The following ZNF680 variants were observed in gnomAD, a reference collection of about 807,000 sequenced individuals.
ZNF680 encodes hypothetical protein FLJ90430.
In ZNF680, 6 loss-of-function variants were observed where a neutral mutation model predicts 12.1. The observed-to-expected ratio is 0.49, with a 90% CI of 0.27 to 0.98. ZNF680 has a LOEUF of 0.98. Among genes scored for constraint, ZNF680 ranks in the 50% least tolerant of loss-of-function variants. The probability of loss-of-function intolerance (pLI) is 0.12; values close to 1 mark genes in which losing one functional copy is unlikely to be tolerated. For missense variants in ZNF680, 561 were observed against 616.3 expected, an observed-to-expected ratio of 0.91 and a Z score of 0.95; for synonymous variants, 170 against 199.3, an observed-to-expected ratio of 0.85 and a Z score of 1.24.
chr7:64,540,704 G>A (rs905486675), intron 3 of ZNF680, among the ~76,000 whole-genome samples: 4 of 152,068 alleles, frequency 2.6e-5, no homozygotes, highest in Non-Finnish European at 5.9e-5. Flanking sequence ...ATAAACTGAT[G>A]TTTAAAAAGT....
At chr7:64,552,857 G>A (rs1055914930) in intron 1 of ZNF680, among the ~76,000 whole-genome samples, 2 of 152,194 alleles carry the variant, frequency 1.3e-5, no homozygotes, top group African/African-American at 4.8e-5. Context: ...CAGGCACGGT[G>A]GCTCACGCCA....
the ZNF680 span, among the ~76,000 whole-genome samples, chr7:64,507,822 GAAACACACACACACACACACAC>G: frequency 3.8e-5 from 4 of 105,062 alleles, no homozygotes; most frequent in Admixed American, 1.2e-4. Flanking sequence ...AAAATTCCAG[GAAACACACACACACACACACAC>G]ACACACACAC....
At chr7:64,557,888 G>GA (rs1787510947) in intron 1 of ZNF680, among the ~76,000 whole-genome samples, 1 of 152,106 alleles carries the variant, frequency 6.6e-6, no homozygotes, top group Non-Finnish European at 1.5e-5. Context: ...GAAAGGACTA[G>GA]AAAAAAATAC....
the ZNF680 span, among the ~76,000 whole-genome samples, chr7:64,499,614 G>A: frequency 6.6e-6 from 1 of 152,102 alleles, no homozygotes; most frequent in Non-Finnish European, 1.5e-5. Context: ...AAAATTAACC[G>A]GGTGTGGTGT....
the ZNF680 span, chr7:64,501,694 GAC>G: frequency 1.2e-5 from 13 of 1,046,788 alleles, no homozygotes; most frequent in East Asian, 3.3e-4. Flanking sequence ...AGGAGAGGAT[GAC>G]AGAGACAGCG....
chr7:64,506,666 C>T, the ZNF680 span, among the ~76,000 whole-genome samples: 1 of 151,968 alleles, frequency 6.6e-6, no homozygotes, highest in Admixed American at 6.6e-5. Context: ...GCAAATGTAT[C>T]CAATTATTCA....
At chr7:64,560,115 G>GTT (rs35323758) in intron 1 of ZNF680, among the ~76,000 whole-genome samples, 13 of 123,502 alleles carry the variant, frequency 1.1e-4, no homozygotes, top group South Asian at 2.5e-4. Context: ...TTTCTTTTCT[G>GTT]TTTTTTTTTT....
the ZNF680 span, among the ~76,000 whole-genome samples, chr7:64,501,927 G>A: frequency 6.7e-6 from 1 of 149,996 alleles, no homozygotes; most frequent in Non-Finnish European, 1.5e-5. Context: ...GTTTTGTTAA[G>A]TCTTACCCTG....
chr7:64,512,739 T>TA, the ZNF680 span, among the ~76,000 whole-genome samples: 107 of 152,060 alleles, frequency 7.0e-4, no homozygotes, highest in Non-Finnish European at 1.9e-4. Flanking sequence ...AACTGGCAAG[T>TA]AAAAAATCTT....
At chr7:64,545,263 CAAAAA>C (rs532422147) in intron 1 of ZNF680, among the ~76,000 whole-genome samples, 4 of 89,744 alleles carry the variant, frequency 4.5e-5, no homozygotes, top group African/African-American at 1.0e-4. Flanking sequence ...GACTCCATCT[CAAAAA>C]AAAAAAAAAA....
chr7:64,530,761 A>G (rs930924743), intron 3 of ZNF680, among the ~76,000 whole-genome samples: 1 of 151,944 alleles, frequency 6.6e-6, no homozygotes, highest in African/African-American at 2.4e-5. Context: ...CGGGAGGCTG[A>G]GGAGGAGAAC....
At position 64,522,461 on chromosome 7, in the gene ZNF680, T is replaced by C; in HGVS notation, c.293A>G (p.His98Arg). ...TTTTTGAAAAGAATCTTTTATGCTATGCTCTGGCCAAAGGTCTTCAGTGAA... is the reference window on the plus strand; with the variant it reads ...TTTTTGAAAAGAATCTTTTATGCTACGCTCTGGCCAAAGGTCTTCAGTGAA... The part of the protein sequence containing the change: ...SHFTEDLWPE[H>R]SIKDSFQKVI... Residue 98 changes from histidine (H) to arginine (R), a missense_variant, in exon 4 of 4, where the codon CAT becomes CGT. By Grantham distance (29) the His-to-Arg change is conservative. Transcript: ENST00000309683. 2 of 1,577,628 alleles carry C rather than the reference T, an allele frequency of 1.3e-6. No individual in the cohort carries two copies. Among genetic ancestry groups the C allele is most frequent in the Non-Finnish European group, 8.6e-7 (1 of 1,164,132 alleles).
intron 3 of ZNF680, chr7:64,525,884 G>A: frequency 1.0e-6 from 1 of 984,894 alleles, no homozygotes; most frequent in Non-Finnish European, 1.2e-6. Context: ...AAATATACAA[G>A]TCATAAAAAG....
intron 1 of ZNF680, among the ~76,000 whole-genome samples, chr7:64,545,627 A>G (rs1187400874): frequency 6.6e-6 from 1 of 152,180 alleles, no homozygotes; most frequent in Non-Finnish European, 1.5e-5. Context: ...AGAAACATCA[A>G]TTTTATGCAA....
At chr7:64,506,515 A>C in the ZNF680 span, among the ~76,000 whole-genome samples, 2 of 152,214 alleles carry the variant, frequency 1.3e-5, no homozygotes, top group African/African-American at 4.8e-5. Context: ...TTGTTATCTA[A>C]GTAAACAAAG....
downstream of ZNF680, among the ~76,000 whole-genome samples, chr7:64,517,762 T>C (rs1360247359): frequency 2.0e-5 from 3 of 152,132 alleles, no homozygotes; most frequent in African/African-American, 7.2e-5. Flanking sequence ...GTGGGTTTTG[T>C]ATCAGGGATG....
intron 3 of ZNF680, among the ~76,000 whole-genome samples, chr7:64,537,665 C>T (rs1206573509): frequency 2.0e-5 from 3 of 152,278 alleles, no homozygotes; most frequent in Admixed American, 6.5e-5. Flanking sequence ...CGCTGGCTCA[C>T]GCCTGTAATC....
intron 3 of ZNF680, 48 bp from the exon 4 acceptor site, chr7:64,522,548 G>A: frequency 7.8e-7 from 1 of 1,285,044 alleles, no homozygotes; most frequent in South Asian, 2.8e-5. Context: ...AGACTCAGAT[G>A]AATATATTTT....
chr7:64,544,680 GA>G (rs888008669), intron 1 of ZNF680, among the ~76,000 whole-genome samples: 19 of 151,982 alleles, frequency 1.3e-4, no homozygotes, highest in African/African-American at 4.6e-4. Context: ...ATACTTTTTT[GA>G]AGAAAAACTA....
Sources: gnomAD v4.1 joint callset for allele counts (sites outside exome capture counted in the v4.1 genomes callset) on GRCh38, gnomAD v4.1.1 for gene constraint, MANE v1.5 for transcripts, NCBI Gene and HGNC (gene_info 2026-07-23, HGNC 2026-07-21) for gene names.